The following ZNF782 variants were observed in gnomAD, a reference collection of about 807,000 sequenced individuals.
ZNF782 encodes zinc finger protein 782.
Under a neutral mutation model 13.0 loss-of-function variants are expected in ZNF782, and 12 were observed. The observed-to-expected ratio is 0.92, with a 90% confidence interval of 0.59 to 1.50. The LOEUF (loss-of-function observed/expected upper bound fraction) is 1.50. Among genes scored for constraint, ZNF782 ranks in the 40% most tolerant of loss-of-function variants. The pLI, the probability that ZNF782 is intolerant of heterozygous loss-of-function variation, is 0.00. For synonymous variants in ZNF782, 284 were observed against 283.0 expected (o/e 1.00, Z -0.04); for missense variants, 770 against 822.9 (o/e 0.94, Z 0.79).
At chr9:96,919,891 A>G in the ZNF782 span, among the ~76,000 whole-genome samples, 5 of 151,448 alleles carry the variant, frequency 3.3e-5, no homozygotes, top group Admixed American at 6.6e-5. Context: ...GAAACCATTC[A>G]AGTTTAGATT....
chr9:96,923,788 C>A, the ZNF782 span, among the ~76,000 whole-genome samples: 1 of 142,828 alleles, frequency 7.0e-6, no homozygotes, highest in South Asian at 2.4e-4. Context: ...TAAACACTCA[C>A]ACCTACACAC....
At chr9:96,834,623 T>C (rs1292124259) in intron 4 of ZNF782, among the ~76,000 whole-genome samples, 1 of 152,224 alleles carries the variant, frequency 6.6e-6, no homozygotes, top group Non-Finnish European at 1.5e-5. Flanking sequence ...TGAAGCAGCA[T>C]GACGTCCTCA....
chr9:96,857,978 A>G (rs1454091430), upstream of ZNF782, among the ~76,000 whole-genome samples: 1 of 152,246 alleles, frequency 6.6e-6, no homozygotes, highest in African/African-American at 2.4e-5. Flanking sequence ...CTACCAGAAC[A>G]TAATAGTACA....
At chr9:96,922,631 G>A in the ZNF782 span, among the ~76,000 whole-genome samples, 15 of 151,908 alleles carry the variant, frequency 9.9e-5, no homozygotes, top group South Asian at 2.1e-4. Flanking sequence ...AAAAATAGCC[G>A]GGCCTGGTGG....
Position 96,818,443 on chromosome 9 carries a change from G to A in ZNF782, c.1580C>T (p.Thr527Ile). Residue 527 changes from threonine to isoleucine, a missense_variant, in exon 6 of 6, where the codon ACA becomes ATA. Thr to Ile is a moderately conservative substitution (Grantham distance 89). Coordinates refer to ENST00000481138, the MANE Select transcript of ZNF782 (RefSeq NM_001001662.3). ...TTTGTAGGGCTTCTCCCCTGTGTGTGTTCTATGATGTTTCCTCAGGCCTGA... is the reference window on the plus strand; with the variant it reads ...TTTGTAGGGCTTCTCCCCTGTGTGTATTCTATGATGTTTCCTCAGGCCTGA... ...LKSGLRKHHR[T>I]HTGEKPYKCN... 1 of 1,613,648 alleles carries A rather than the reference G, an allele frequency of 6.2e-7. No homozygotes were observed. The highest frequency in any genetic ancestry group is 1.1e-5 in the South Asian group (1 of 91,044).
chr9:96,874,886 TAGAC>T (rs1194159619), intron 1 of ZNF782, among the ~76,000 whole-genome samples: 2 of 152,168 alleles, frequency 1.3e-5, no homozygotes, highest in South Asian at 2.1e-4. Flanking sequence ...ACTGAAAACA[TAGAC>T]AGCTTGGTAG....
chr9:96,845,118 A>G (rs1851309677), intron 3 of ZNF782, 102 bp from the exon 4 acceptor site: 1 of 1,423,850 alleles, frequency 7.0e-7, no homozygotes, highest in South Asian at 1.3e-5. Context: ...AATTTAAAAC[A>G]AAATGCTATA....
intron 4 of ZNF782, among the ~76,000 whole-genome samples, chr9:96,837,423 CCTTT>C (rs1009745376): frequency 3.9e-5 from 6 of 151,982 alleles, no homozygotes; most frequent in Non-Finnish European, 7.4e-5. Flanking sequence ...TTGAGTCTTC[CCTTT>C]TTTTCTGAAC....
intron 5 of ZNF782, among the ~76,000 whole-genome samples, chr9:96,823,154 G>A (rs1004276406): frequency 8.5e-5 from 13 of 152,160 alleles, no homozygotes; most frequent in African/African-American, 2.9e-4. Flanking sequence ...TGATCATGTG[G>A]TCTCTGTTGT....
upstream of ZNF782, among the ~76,000 whole-genome samples, chr9:96,878,422 A>AT (rs2118904230): frequency 6.6e-6 from 1 of 152,348 alleles, no homozygotes; most frequent in East Asian, 1.9e-4. Flanking sequence ...AAATTTGATT[A>AT]TAGCAGTGCA....
chr9:96,908,234 A>G, the ZNF782 span, among the ~76,000 whole-genome samples: 1,881 of 151,672 alleles, frequency 0.012, 44 homozygotes, highest in African/African-American at 0.043. Context: ...CAGTGGTGCA[A>G]TCATGGCTCG....
the ZNF782 span, chr9:96,910,023 G>C: frequency 3.7e-6 from 2 of 546,558 alleles, no homozygotes; most frequent in South Asian, 1.4e-5. Flanking sequence ...CAGAGTCCCT[G>C]AACTCTCGTT....
chr9:96,871,048 C>T (rs947738902), intron 1 of ZNF782, among the ~76,000 whole-genome samples: 4 of 152,056 alleles, frequency 2.6e-5, no homozygotes, highest in African/African-American at 4.8e-5. Context: ...TAATGGTTCT[C>T]ATTTGCTGAT....
At chr9:96,869,282 T>C (rs916643177) in intron 1 of ZNF782, among the ~76,000 whole-genome samples, 1 of 152,228 alleles carries the variant, frequency 6.6e-6, no homozygotes, top group African/African-American at 2.4e-5. Flanking sequence ...ATTCAGAATA[T>C]TTTAATCAAG....
intron 4 of ZNF782, among the ~76,000 whole-genome samples, chr9:96,828,841 G>A (rs1289819637): frequency 6.6e-6 from 1 of 151,934 alleles, no homozygotes; most frequent in Non-Finnish European, 1.5e-5. Context: ...CTAAATAAAT[G>A]CCAAGAGGAA....
rs1172976623 is a variant in ZNF782 at position 96,827,070 on chromosome 9, A to G, written c.244+10T>C. On this transcript the variant is annotated intron_variant, in intron 5 of 5. Transcript: ENST00000481138. Reference sequence around the variant, plus strand: ...AGAGAACCTTCTTCTTGTTGAATTCAGTAACTCACCTGGGGAGTTCCTGCT... The same window carrying G: ...AGAGAACCTTCTTCTTGTTGAATTCGGTAACTCACCTGGGGAGTTCCTGCT... 6.3e-7 allele frequency: 1 copy of G among 1,586,846 alleles called. No homozygotes were observed.
rs2118224453 is a variant in ZNF782, at chr9:96,817,777, T to TA, written c.*145dup. 1.5e-6 allele frequency: 1 copy of TA among 665,692 alleles called. No individual in the cohort carries two copies. The highest frequency in any genetic ancestry group is 1.8e-5 in the African/African-American group (1 of 54,080). The allele number at this position is 665,692 out of a possible 1,614,324, so 41.2% of individuals were successfully genotyped here. A position where few individuals can be genotyped will look rare whatever the true frequency, so the allele number is the denominator to read the frequency against. ...AAATAGATTTCAACAATTTATCTTC[T>TA]ATTCTTTGATATTTGGTGGAGGCTG... On this transcript the variant is annotated 3_prime_UTR_variant, in exon 6 of 6. Coordinates refer to ENST00000481138, the MANE Select transcript of ZNF782 (RefSeq NM_001001662.3).
the ZNF782 span, among the ~76,000 whole-genome samples, chr9:96,913,784 C>A: frequency 6.6e-6 from 1 of 151,500 alleles, no homozygotes; most frequent in Non-Finnish European, 1.5e-5. Context: ...CTCAGCTTCC[C>A]AAAGTGCGGG....
the ZNF782 span, among the ~76,000 whole-genome samples, chr9:96,880,793 T>C: frequency 2.6e-5 from 4 of 152,220 alleles, no homozygotes; most frequent in Non-Finnish European, 4.4e-5. Flanking sequence ...ATGTTGGCTT[T>C]GTAAAATAAG....
Sources: gnomAD v4.1 joint callset for allele counts (sites outside exome capture counted in the v4.1 genomes callset) on GRCh38, gnomAD v4.1.1 for gene constraint, MANE v1.5 for transcripts, NCBI Gene and HGNC (gene_info 2026-07-23, HGNC 2026-07-21) for gene names.